Variants in ZNF503 observed in about 807,000 individuals in gnomAD.
ZNF503 encodes the protein zinc finger protein 503.
ZNF503 carries 15 observed loss-of-function variants against 34.4 expected under a neutral mutation model. That is an observed-to-expected ratio of 0.44 (90% CI 0.29 to 0.67). The LOEUF is 0.67. ZNF503 is among the 30% of genes least tolerant of loss of function. The pLI is 0.13. For missense variants in ZNF503, 1,007 were observed against 926.8 expected (o/e 1.09, Z -1.12); for synonymous variants, 580 against 456.8 (o/e 1.27, Z -3.44).
chr10:75,374,289 G>A, the ZNF503 span, among the ~76,000 whole-genome samples: 3 of 152,072 alleles, frequency 2.0e-5, no homozygotes, highest in Non-Finnish European at 2.9e-5. Flanking sequence ...GCCACAGAGC[G>A]AGACTCCATC....
chr10:75,333,484 CG>C, the ZNF503 span, among the ~76,000 whole-genome samples: 2 of 58,078 alleles, frequency 3.4e-5, no homozygotes, highest in Non-Finnish European at 6.7e-5. Context: ...CCCTCCCGGA[CG>C]GGGTGGCTGG....
the ZNF503 span, among the ~76,000 whole-genome samples, chr10:75,308,195 C>T: frequency 2.2e-4 from 29 of 133,238 alleles, no homozygotes; most frequent in South Asian, 4.7e-4. Context: ...GACAATACAT[C>T]TTTTTTTTTT....
At chr10:75,284,906 C>T in the ZNF503 span, among the ~76,000 whole-genome samples, 2 of 152,168 alleles carry the variant, frequency 1.3e-5, no homozygotes, top group East Asian at 3.8e-4. Flanking sequence ...ATGCCATAAT[C>T]CTAATATTCA....
At chr10:75,336,205 A>G in the ZNF503 span, among the ~76,000 whole-genome samples, 1 of 152,046 alleles carries the variant, frequency 6.6e-6, no homozygotes, top group African/African-American at 2.4e-5. Flanking sequence ...CACTTCTTCT[A>G]TTACACCTAC....
At chr10:75,326,857 A>T in the ZNF503 span, among the ~76,000 whole-genome samples, 1 of 151,288 alleles carries the variant, frequency 6.6e-6, no homozygotes. Context: ...ATTTATTTTT[A>T]TTTTTTTAGT....
chr10:75,358,660 A>G, the ZNF503 span: 1 of 152,200 alleles, frequency 6.6e-6, no homozygotes. Context: ...TACAGTGCCA[A>G]CCACATTCCC....
chr10:75,288,421 A>T, the ZNF503 span: 1 of 152,430 alleles, frequency 6.6e-6, no homozygotes, highest in African/African-American at 2.4e-5. Context: ...GCTGTCCTCC[A>T]TCACCACGGA....
At chr10:75,368,355 TAGAA>T in the ZNF503 span, among the ~76,000 whole-genome samples, 1 of 151,662 alleles carries the variant, frequency 6.6e-6, no homozygotes, top group Non-Finnish European at 1.5e-5. Context: ...CTCTGCAAAA[TAGAA>T]AGAGAAGGGT....
At position 75,399,576 on chromosome 10, in the gene ZNF503, G is replaced by A; in HGVS notation, c.1114C>T (p.Pro372Ser). Reference protein sequence around the residue: ...SLAGAYAGYPPQFLPHGVALD... With the variant: ...SLAGAYAGYPSQFLPHGVALD... ...GCCACGCCGTGTGGCAGGAACTGGG[G>A]CGGGTAGCCGGCGTAGGCCCCGGCC... Residue 372 changes from proline to serine, a missense_variant, in exon 2 of 2, where the codon CCC becomes TCC. Transcript: ENST00000372524. The A allele has an allele frequency of 6.3e-7, 1 of 1,596,586 alleles. No individual in the cohort carries two copies. The highest frequency in any genetic ancestry group is 8.5e-7 in the Non-Finnish European group (1 of 1,179,166).
Position 75,398,862 on chromosome 10 carries a change from G to T in ZNF503, c.1828C>A (p.Leu610Ile). The change falls in exon 2 of 2, where the codon CTT (leucine) becomes ATT (isoleucine). Residue 610 changes from leucine (L) to isoleucine (I), a missense_variant. Transcript: ENST00000372524. ...SRYHPYSKSP[L>I]PTPGAPVPVP... ...GGCACGGGGGCGCCAGGCGTGGGAA[G>T]CGGGCTCTTGGAGTAGGGGTGGTAG... 6.6e-7 allele frequency: 1 copy of T among 1,512,978 alleles called. No individual in the cohort carries two copies. Among genetic ancestry groups the T allele is most frequent in the South Asian group, 1.3e-5 (1 of 74,754 alleles). 93.7% of individuals were successfully genotyped at this position (1,512,978 alleles called of 1,614,324 possible). A position where few individuals can be genotyped will look rare whatever the true frequency, so the allele number is the denominator to read the frequency against.
At chr10:75,382,515 T>C in the ZNF503 span, 2 of 725,620 alleles carry the variant, frequency 2.8e-6, no homozygotes, top group Non-Finnish European at 4.4e-6. Context: ...TCTTTTTCCT[T>C]ATCTTCCTCA....
chr10:75,330,737 T>C, the ZNF503 span, among the ~76,000 whole-genome samples: 1 of 152,144 alleles, frequency 6.6e-6, no homozygotes, highest in East Asian at 1.9e-4. Flanking sequence ...TCTTTTCCTT[T>C]TTTTTCTTGG....
At chr10:75,311,158 T>C in the ZNF503 span, among the ~76,000 whole-genome samples, 1 of 152,148 alleles carries the variant, frequency 6.6e-6, no homozygotes, top group East Asian at 1.9e-4. Flanking sequence ...GCTGAAGAAC[T>C]TGGACTCCAA....
the ZNF503 span, chr10:75,382,797 A>C: frequency 3.8e-5 from 12 of 313,968 alleles, no homozygotes; most frequent in Non-Finnish European, 4.5e-5. Context: ...GAAGACTCCC[A>C]AATCCTTGCA....
chr10:75,347,594 A>G, the ZNF503 span, among the ~76,000 whole-genome samples: 2 of 152,260 alleles, frequency 1.3e-5, no homozygotes, highest in Non-Finnish European at 2.9e-5. Flanking sequence ...ATGGCACTGC[A>G]GTCAAAATGG....
At chr10:75,350,730 T>C in the ZNF503 span, among the ~76,000 whole-genome samples, 1 of 152,068 alleles carries the variant, frequency 6.6e-6, no homozygotes, top group Non-Finnish European at 1.5e-5. Context: ...TTGTTTTTCT[T>C]TTCTCTAGAG....
the ZNF503 span, among the ~76,000 whole-genome samples, chr10:75,384,650 C>A: frequency 6.6e-6 from 1 of 152,172 alleles, no homozygotes; most frequent in East Asian, 1.9e-4. Flanking sequence ...AGCCCTGCGG[C>A]CCAGCACCCA....
the ZNF503 span, among the ~76,000 whole-genome samples, chr10:75,304,728 G>A: frequency 6.6e-6 from 1 of 152,064 alleles, no homozygotes; most frequent in African/African-American, 2.4e-5. Flanking sequence ...AAGACAAGTA[G>A]CAAAAATACT....
At chr10:75,357,700 C>T in the ZNF503 span, among the ~76,000 whole-genome samples, 2 of 151,724 alleles carry the variant, frequency 1.3e-5, no homozygotes, top group Non-Finnish European at 3.0e-5. Context: ...GTAATTTGCC[C>T]AAGAGCACAC....
Sources: gnomAD v4.1 joint callset for allele counts (sites outside exome capture counted in the v4.1 genomes callset) on GRCh38, gnomAD v4.1.1 for gene constraint, MANE v1.5 for transcripts, NCBI Gene and HGNC (gene_info 2026-07-23, HGNC 2026-07-21) for gene names.